Variants in CNTNAP2 observed in about 807,000 individuals in gnomAD.
CNTNAP2 encodes contactin associated protein 2.
A neutral mutation model predicts 155.2 loss-of-function variants in CNTNAP2; 98 were observed. The ratio of observed to expected loss-of-function variants is 0.63; its 90% CI spans 0.54 to 0.75. The LOEUF is 0.75. CNTNAP2 is among the 30% of genes least tolerant of loss of function. CNTNAP2 has a pLI of 0.00. For missense variants in CNTNAP2, 1,727 were observed against 1,688.1 expected, an observed-to-expected ratio of 1.02 and a Z score of -0.40; for synonymous variants, 651 against 631.2, an observed-to-expected ratio of 1.03 and a Z score of -0.47.
chr7:147,148,898 A>G (rs190518447), intron 8 of CNTNAP2, among the ~76,000 whole-genome samples: 1 of 152,204 alleles, frequency 6.6e-6, no homozygotes, highest in Admixed American at 6.5e-5. Context: ...GACTTCAGGA[A>G]TGAAGCCGCA....
At chr7:147,406,115 T>A (rs1797000547) in intron 10 of CNTNAP2, among the ~76,000 whole-genome samples, 2 of 152,162 alleles carry the variant, frequency 1.3e-5, no homozygotes. Flanking sequence ...TTCCCCAATC[T>A]GAATAAAAGG....
chr7:147,815,036 G>T (rs1406613413), intron 13 of CNTNAP2, among the ~76,000 whole-genome samples: 1 of 152,172 alleles, frequency 6.6e-6, no homozygotes, highest in Non-Finnish European at 1.5e-5. Flanking sequence ...TGGAGGGAGA[G>T]AGTGGTTCCT....
At chr7:146,360,173 T>G (rs2129100641) in intron 1 of CNTNAP2, among the ~76,000 whole-genome samples, 1 of 152,296 alleles carries the variant, frequency 6.6e-6, no homozygotes, top group South Asian at 2.1e-4. Context: ...GTTAAGCCTT[T>G]CCAGTGTCTC....
intron 1 of CNTNAP2, among the ~76,000 whole-genome samples, chr7:146,586,563 A>G (rs929637066): frequency 6.6e-6 from 1 of 152,196 alleles, no homozygotes; most frequent in Non-Finnish European, 1.5e-5. Context: ...CCACACATAT[A>G]GAGTTTGTTA....
chr7:147,520,870 T>C (rs1799218804), intron 11 of CNTNAP2, among the ~76,000 whole-genome samples: 1 of 152,210 alleles, frequency 6.6e-6, no homozygotes, highest in South Asian at 2.1e-4. Flanking sequence ...CCCTGTCCTC[T>C]GTCAGTCAGT....
intron 3 of CNTNAP2, among the ~76,000 whole-genome samples, chr7:146,944,275 AT>A (rs761630577): frequency 1.4e-5 from 2 of 141,184 alleles, no homozygotes; most frequent in Non-Finnish European, 3.1e-5. Context: ...CAATACGTTT[AT>A]TTTTAAAAAT....
chr7:147,726,678 C>T (rs1796650435), intron 13 of CNTNAP2, among the ~76,000 whole-genome samples: 2 of 151,976 alleles, frequency 1.3e-5, no homozygotes, highest in Non-Finnish European at 2.9e-5. Flanking sequence ...ATACTTCCCC[C>T]TTTAATCCCA....
intron 13 of CNTNAP2, among the ~76,000 whole-genome samples, chr7:147,880,578 A>T (rs1799502688): frequency 1.3e-5 from 2 of 148,674 alleles, no homozygotes; most frequent in Non-Finnish European, 3.0e-5. Flanking sequence ...GGGACTTGGA[A>T]AGTGCCAACT....
chr7:147,764,256 G>A (rs182888140), intron 13 of CNTNAP2, among the ~76,000 whole-genome samples: 286 of 152,120 alleles, frequency 1.9e-3, no homozygotes, highest in Middle Eastern at 6.8e-3. Context: ...CATCTAGGAG[G>A]GTCAACTGCT....
intron 21 of CNTNAP2, among the ~76,000 whole-genome samples, chr7:148,335,010 G>T (rs190160266): frequency 2.6e-5 from 4 of 152,232 alleles, no homozygotes; most frequent in Non-Finnish European, 5.9e-5. Context: ...GGAGCCAGGC[G>T]CCTGGTCTTT....
intron 1 of CNTNAP2, among the ~76,000 whole-genome samples, chr7:146,272,935 G>C (rs1048862201): frequency 6.6e-6 from 1 of 152,104 alleles, no homozygotes; most frequent in Non-Finnish European, 1.5e-5. Context: ...TGAGACCAAA[G>C]GAGAAGTGAA....
At position 146,951,576 on chromosome 7, in the gene CNTNAP2, A is replaced by T. The variant is rs535830084; in HGVS notation, c.403-92331A>T. ...AATGCTTTCCCCATTGCTTGTTTTT[A>T]TCAGGTTTGTCAAAGATCCGATGGT... On this transcript the variant is annotated intron_variant, in intron 3 of 23. Transcript: ENST00000361727. Among the ~76,000 whole-genome samples, 722 of 151,942 alleles carry T rather than the reference A, an allele frequency of 4.8e-3. 8 individuals carry two copies. The highest frequency in any genetic ancestry group is 0.017 in the African/African-American group (685 of 41,470).
intron 21 of CNTNAP2, among the ~76,000 whole-genome samples, chr7:148,358,109 G>T (rs573134997): frequency 6.6e-6 from 1 of 152,280 alleles, no homozygotes; most frequent in Non-Finnish European, 1.5e-5. Flanking sequence ...GAGCGTGCCT[G>T]GTTCAGCCTA....
intron 1 of CNTNAP2, among the ~76,000 whole-genome samples, chr7:146,199,059 A>C (rs546485765): frequency 6.6e-6 from 1 of 152,084 alleles, no homozygotes; most frequent in East Asian, 1.9e-4. Flanking sequence ...ATTTTCCACT[A>C]TCTCCTTCTC....
chr7:146,296,067 C>T (rs570457034), intron 1 of CNTNAP2, among the ~76,000 whole-genome samples: 2 of 152,150 alleles, frequency 1.3e-5, no homozygotes, highest in South Asian at 4.1e-4. Context: ...AGATACTGAC[C>T]ATTTGCATCC....
chr7:147,417,701 G>A (rs1797219304), intron 10 of CNTNAP2, among the ~76,000 whole-genome samples: 1 of 152,074 alleles, frequency 6.6e-6, no homozygotes, highest in African/African-American at 2.4e-5. Flanking sequence ...ATGATGGTGA[G>A]TTTAAATGGA....
chr7:147,497,088 T>A (rs961970436), intron 11 of CNTNAP2: 4 of 152,254 alleles, frequency 2.6e-5, no homozygotes, highest in African/African-American at 7.2e-5. Context: ...TATTCTCTCA[T>A]CTGACTTCTT....
chr7:146,566,637 C>A (rs1041017427), intron 1 of CNTNAP2, among the ~76,000 whole-genome samples: 1 of 151,862 alleles, frequency 6.6e-6, no homozygotes, highest in Non-Finnish European at 1.5e-5. Flanking sequence ...GCGGAGGTTG[C>A]AGTGGGCCGA....
At chr7:146,432,233 T>C (rs1484160013) in intron 1 of CNTNAP2, among the ~76,000 whole-genome samples, 1 of 152,144 alleles carries the variant, frequency 6.6e-6, no homozygotes. Context: ...ATGATGTGTT[T>C]CCTGTTAAAT....
Sources: gnomAD v4.1 joint callset for allele counts (sites outside exome capture counted in the v4.1 genomes callset) on GRCh38, gnomAD v4.1.1 for gene constraint, MANE v1.5 for transcripts, NCBI Gene and HGNC (gene_info 2026-07-23, HGNC 2026-07-21) for gene names.